Variants in HRK observed in about 807,000 individuals in gnomAD.
HRK encodes the protein activator of apoptosis harakiri.
In HRK, 6 loss-of-function variants were observed where a neutral mutation model predicts 5.9. The ratio of observed to expected loss-of-function variants is 1.02; its 90% CI spans 0.56 to 2.01. The LOEUF is 2.01. Among genes scored for constraint, HRK ranks in the 30% most tolerant of loss-of-function variants. HRK has a pLI of 0.00. For synonymous variants in HRK, 85 were observed against 65.1 expected (o/e 1.31, Z -1.47); for missense variants, 133 against 128.3 (o/e 1.04, Z -0.18).
intron 1 of HRK, among the ~76,000 whole-genome samples, chr12:116,872,297 G>T (rs147772704): frequency 7.1e-4 from 108 of 152,182 alleles, no homozygotes; most frequent in Non-Finnish European, 1.2e-3. Context: ...TTGAACCTGG[G>T]AGGTGGAGGT....
At chr12:116,864,698 G>T (rs146568016) in intron 1 of HRK, among the ~76,000 whole-genome samples, 2 of 152,162 alleles carry the variant, frequency 1.3e-5, no homozygotes, top group Non-Finnish European at 2.9e-5. Flanking sequence ...TATGGCTCAC[G>T]CCTGTAATCC....
rs1242831868 is a variant in HRK, at chr12:116,862,377, G to A, written c.*57-911C>T. On this transcript the variant is annotated intron_variant, in intron 1 of 1. Transcript: ENST00000257572. The surrounding 1 kb of genome is among the most constrained non-coding windows in gnomAD (Gnocchi z 4.0). ...GGTCTTTCCATACAATGGACTATTA[G>A]TCAGCCATCAAAAAGGAATGAAGTA... 2.0e-5 allele frequency among the ~76,000 whole-genome samples: 3 copies of A among 152,188 alleles called. No individual in the cohort carries two copies. Among genetic ancestry groups the A allele is most frequent in the Non-Finnish European group, 4.4e-5 (3 of 68,040 alleles).
At chr12:116,865,230 G>C (rs956564366) in intron 1 of HRK, among the ~76,000 whole-genome samples, 1 of 152,122 alleles carries the variant, frequency 6.6e-6, no homozygotes, top group African/African-American at 2.4e-5. Context: ...CCTCCTAAGA[G>C]GCCCCAATTT....
intron 1 of HRK, among the ~76,000 whole-genome samples, chr12:116,875,805 A>G (rs1395222396): frequency 1.3e-5 from 2 of 152,114 alleles, no homozygotes; most frequent in Admixed American, 1.3e-4. Context: ...CAGCCTCTCA[A>G]AATGCTGGGA....
rs1878242699 is a variant in HRK at position 116,858,580 on chromosome 12, A to T, written c.*2943T>A. ...CCTCCCTCTGCTTGTACGGTCACACACACACACACACACACACACACACAC... is the reference window on the plus strand; with the variant it reads ...CCTCCCTCTGCTTGTACGGTCACACTCACACACACACACACACACACACAC... On this transcript the variant is annotated 3_prime_UTR_variant, in exon 2 of 2. Coordinates refer to ENST00000257572, the MANE Select transcript of HRK (RefSeq NM_003806.4). 1 of 63,246 alleles carries T rather than the reference A, an allele frequency of 1.6e-5. No homozygotes were observed. Among genetic ancestry groups the T allele is most frequent in the African/African-American group, 1.4e-4 (1 of 7,204 alleles). 3.9% of individuals were successfully genotyped at this position (63,246 alleles called of 1,614,324 possible).
At chr12:116,864,621 G>A (rs944639354) in intron 1 of HRK, among the ~76,000 whole-genome samples, 3 of 152,102 alleles carry the variant, frequency 2.0e-5, no homozygotes, top group African/African-American at 7.2e-5. Flanking sequence ...GATAAGCATG[G>A]CACAAACAGG....
At chr12:116,864,257 G>A (rs570191409) in intron 1 of HRK, among the ~76,000 whole-genome samples, 2 of 152,314 alleles carry the variant, frequency 1.3e-5, no homozygotes, top group African/African-American at 4.8e-5. Flanking sequence ...TTAAGCACAG[G>A]TGGGATGGAA....
In HRK at chr12:116,858,463, T is replaced by C; in HGVS notation, c.*3060A>G. On this transcript the variant is annotated 3_prime_UTR_variant, in exon 2 of 2. Coordinates refer to ENST00000257572, the MANE Select transcript of HRK (RefSeq NM_003806.4). ...GTCCCAGCGGTTCCTGGCTCCCCACTCTCTGAGAGCAAGCAGCACCATCAG... is the reference window on the plus strand; with the variant it reads ...GTCCCAGCGGTTCCTGGCTCCCCACCCTCTGAGAGCAAGCAGCACCATCAG... The C allele has an allele frequency of 6.6e-6, 1 of 151,560 alleles. No individual in the cohort carries two copies. The allele number at this position is 151,560 out of a possible 1,614,324, so 9.4% of individuals were successfully genotyped here. A position where few individuals can be genotyped will look rare whatever the true frequency, so the allele number is the denominator to read the frequency against.
intron 1 of HRK, among the ~76,000 whole-genome samples, chr12:116,872,513 C>A (rs1878789317): frequency 6.6e-6 from 1 of 152,096 alleles, no homozygotes; most frequent in African/African-American, 2.4e-5. Flanking sequence ...AATGGTGGTG[C>A]ACACCTATAA....
chr12:116,879,801 G>A lies in HRK; in HGVS notation c.*56+1175C>T, dbSNP rs1879074951. ...GCAGACGCTCGGGCCTCGCCTTCAG[G>A]CGCCGCTCCAACTTCCCAGGGTGTC... On this transcript the variant is annotated intron_variant, in intron 1 of 1. Transcript: ENST00000257572. The surrounding 1 kb of genome is among the most constrained non-coding windows in gnomAD (Gnocchi z 5.6). Among the ~76,000 whole-genome samples, 1 of 152,208 alleles carries A rather than the reference G, an allele frequency of 6.6e-6. No homozygotes were observed. The highest frequency in any genetic ancestry group is 2.4e-5 in the African/African-American group (1 of 41,460).
At position 116,878,174 on chromosome 12, in the gene HRK, C is replaced by T. The variant is rs1879005056; in HGVS notation, c.*56+2802G>A. Among the ~76,000 whole-genome samples the T allele has an allele frequency of 6.6e-6, 1 of 152,188 alleles. No homozygotes were observed. Among genetic ancestry groups the T allele is most frequent in the Admixed American group, 6.5e-5 (1 of 15,278 alleles). On this transcript the variant is annotated intron_variant, in intron 1 of 1. Transcript: ENST00000257572. This position sits in a 1 kb window ranked among gnomAD's most constrained non-coding sequence, Gnocchi z 4.4. The stretch of plus-strand genomic sequence containing the variant: ...CAGGTGATCCACCTGCCTTGGCCTC[C>T]CAAAGTGCTGGAATTACAGGCGTGA...
In HRK at chr12:116,867,012, G is replaced by A. The variant is rs183758324; in HGVS notation, c.*57-5546C>T. Among the ~76,000 whole-genome samples, 614 of 152,076 alleles carry A rather than the reference G, an allele frequency of 4.0e-3. 3 individuals are homozygous for A. Among genetic ancestry groups the A allele is most frequent in the African/African-American group, 0.014 (570 of 41,484 alleles). On this transcript the variant is annotated intron_variant, in intron 1 of 1. Coordinates refer to ENST00000257572, the MANE Select transcript of HRK (RefSeq NM_003806.4). ...TGTCCAAATATGAATGTCCCCTGCCGGGCACAGTGGCTCACACCTGTAATC... is the reference window on the plus strand; with the variant it reads ...TGTCCAAATATGAATGTCCCCTGCCAGGCACAGTGGCTCACACCTGTAATC...
rs1000167863 is a variant in HRK at position 116,881,270 on chromosome 12, G to T, written c.38C>A (p.Pro13Gln). 8 of 1,078,626 alleles carry T rather than the reference G, an allele frequency of 7.4e-6. No homozygotes were observed. The highest frequency in any genetic ancestry group is 5.3e-5 in the Admixed American group (1 of 18,930). 66.8% of individuals were successfully genotyped at this position (1,078,626 alleles called of 1,614,324 possible). The change falls in exon 1 of 2, where the codon CCG becomes CAG. Residue 13 changes from proline to glutamine, a missense_variant. By Grantham distance (76) the Pro-to-Gln change is moderately conservative (BLOSUM62 -1). Coordinates refer to ENST00000257572, the MANE Select transcript of HRK (RefSeq NM_003806.4). Reference protein sequence around the residue: ...PCPLHRGRGPPAVCACSAGRL... With the variant: ...PCPLHRGRGPQAVCACSAGRL... The stretch of plus-strand genomic sequence containing the variant: ...ACCCGCGCTGCAGGCGCACACGGCC[G>T]GGGGGCCGCGGCCGCGGTGCAGGGG...
At chr12:116,863,115 A>C (rs1382695806) in intron 1 of HRK, among the ~76,000 whole-genome samples, 1 of 152,230 alleles carries the variant, frequency 6.6e-6, no homozygotes, top group Admixed American at 6.5e-5. Flanking sequence ...AGCAGGTGGC[A>C]TATGAACGAG....
At chr12:116,877,578 G>C (rs1212061009) in intron 1 of HRK, among the ~76,000 whole-genome samples, 1 of 152,158 alleles carries the variant, frequency 6.6e-6, no homozygotes, top group Non-Finnish European at 1.5e-5. Flanking sequence ...GGAATGGCCA[G>C]CAATAATAAT....
At chr12:116,880,071 C>T (rs1373804870) in intron 1 of HRK, among the ~76,000 whole-genome samples, 1 of 152,168 alleles carries the variant, frequency 6.6e-6, no homozygotes, top group Non-Finnish European at 1.5e-5. Flanking sequence ...ATCCCCCCAC[C>T]CCAAGAGCCT....
rs926031725 is a variant in HRK, at chr12:116,859,906, C to T, written c.*1617G>A. ...CGCATCCACCTTAACAAATGTGGAT[C>T]CCACTGCTGGCTTCTTAGAACTGTA... On this transcript the variant is annotated 3_prime_UTR_variant, in exon 2 of 2. Coordinates refer to ENST00000257572, the MANE Select transcript of HRK (RefSeq NM_003806.4). 2 of 152,140 alleles carry T rather than the reference C, an allele frequency of 1.3e-5. No individual in the cohort carries two copies. The highest frequency in any genetic ancestry group is 4.8e-5 in the African/African-American group (2 of 41,410). The allele number at this position is 152,140 out of a possible 1,614,324, so 9.4% of individuals were successfully genotyped here.
At chr12:116,877,701 C>A (rs1009028565) in intron 1 of HRK, among the ~76,000 whole-genome samples, 1 of 152,192 alleles carries the variant, frequency 6.6e-6, no homozygotes, top group African/African-American at 2.4e-5. Context: ...ATTCATTTAA[C>A]CCCCTTAATA....
chr12:116,881,082 C>A lies in HRK; in HGVS notation c.226G>T (p.Ala76Ser). Residue 76 changes from alanine to serine, a missense_variant, in exon 1 of 2, where the codon GCG becomes TCG. Physicochemically the swap from Ala to Ser is moderately conservative, Grantham distance 99. Coordinates refer to ENST00000257572, the MANE Select transcript of HRK (RefSeq NM_003806.4). ...CAGGCCGCCAGCGCCGCCACCTGCG[C>A]GGCCGCGCACAGCCAAGGCCAGTAG... ...PTYWPWLCAAAQVAALAAWLL... is the reference protein window; with the variant it reads ...PTYWPWLCAASQVAALAAWLL... The A allele has an allele frequency of 7.4e-7, 1 of 1,343,174 alleles. No homozygotes were observed. Among genetic ancestry groups the A allele is most frequent in the Non-Finnish European group, 9.5e-7 (1 of 1,048,578 alleles). 83.2% of individuals were successfully genotyped at this position (1,343,174 alleles called of 1,614,324 possible). A position where few individuals can be genotyped will look rare whatever the true frequency, so the allele number is the denominator to read the frequency against.
Sources: allele counts gnomAD v4.1 joint callset (sites outside exome capture counted in the v4.1 genomes callset), GRCh38; gene constraint gnomAD v4.1.1; non-coding constraint Gnocchi (gnomAD v3.1); transcripts MANE v1.5; gene names NCBI Gene and HGNC (gene_info 2026-07-23, HGNC 2026-07-21).